KIAA0513: variants seen among roughly 807,000 people sequenced by gnomAD.
KIAA0513 encodes the protein uncharacterized protein KIAA0513.
Under a neutral mutation model 56.5 loss-of-function variants are expected in KIAA0513, and 39 were observed. That is an observed-to-expected ratio of 0.69 (90% CI 0.53 to 0.90). KIAA0513 has a LOEUF of 0.90. Among genes scored for constraint, KIAA0513 ranks in the 40% least tolerant of loss-of-function variants. The pLI, the probability that KIAA0513 is intolerant of heterozygous loss-of-function variation, is 0.00. For synonymous variants in KIAA0513, 268 were observed against 215.6 expected, an observed-to-expected ratio of 1.24 and a Z score of -2.13; for missense variants, 591 against 535.2, an observed-to-expected ratio of 1.10 and a Z score of -1.03.
chr16:85,072,008 G>C lies in KIAA0513; in HGVS notation c.429+126G>C, dbSNP rs537964308. 56 of 651,618 alleles carry C rather than the reference G, an allele frequency of 8.6e-5. No individual in the cohort carries two copies. The South Asian group carries it at 1.0e-3, about 12-fold the overall frequency. 40.4% of individuals were successfully genotyped at this position (651,618 alleles called of 1,614,324 possible). ...AAGAGTCAAGGGAAAGGACCCAACA[G>C]TAAAAAAAGTAAAACTTATCCAAAA... On this transcript the variant is annotated intron_variant, in intron 3 of 12. Coordinates refer to ENST00000683363, the MANE Select transcript of KIAA0513 (RefSeq NM_001388359.1).
intron 9 of KIAA0513, among the ~76,000 whole-genome samples, chr16:85,082,238 A>C (rs9807004): frequency 2.2e-3 from 329 of 152,180 alleles, no homozygotes; most frequent in African/African-American, 7.2e-3. Flanking sequence ...GGCCTGGAGC[A>C]TTGTGCCATG....
In KIAA0513 at chr16:85,039,234, C is replaced by G. The variant is rs1022238204; in HGVS notation, c.-173+11376C>G. Among the ~76,000 whole-genome samples the G allele has an allele frequency of 2.6e-5, 4 of 152,214 alleles. No individual in the cohort carries two copies. The East Asian group carries it at 7.7e-4, about 29-fold the overall frequency. On this transcript the variant is annotated intron_variant, in intron 1 of 12. Coordinates refer to ENST00000683363, the MANE Select transcript of KIAA0513 (RefSeq NM_001388359.1). ...TTTTAACCAGGCCCATTTAATGTCG[C>G]AAGGTTCCTTGTAACCCAAAACACT...
chr16:85,078,102 G>A (rs940234532), intron 6 of KIAA0513, among the ~76,000 whole-genome samples: 4 of 152,108 alleles, frequency 2.6e-5, no homozygotes, highest in Non-Finnish European at 4.4e-5. Flanking sequence ...AGAGGGATGC[G>A]GCAGCCAGAG....
chr16:85,088,454 A>G lies in KIAA0513; in HGVS notation c.*129A>G, dbSNP rs774902505. 3 of 728,392 alleles carry G rather than the reference A, an allele frequency of 4.1e-6. No homozygotes were observed. Among genetic ancestry groups the G allele is most frequent in the Non-Finnish European group, 7.1e-6 (3 of 422,786 alleles). 45.1% of individuals were successfully genotyped at this position (728,392 alleles called of 1,614,324 possible). The stretch of plus-strand genomic sequence containing the variant: ...CACCCAGAGCCACTCCTGCTGCCCT[A>G]GAACTAGCGGTTAGAAGAATCCGCT... On this transcript the variant is annotated 3_prime_UTR_variant, in exon 13 of 13. Coordinates refer to ENST00000683363, the MANE Select transcript of KIAA0513 (RefSeq NM_001388359.1).
At chr16:85,049,704 A>T (rs183782083) in intron 1 of KIAA0513, among the ~76,000 whole-genome samples, 71 of 152,280 alleles carry the variant, frequency 4.7e-4, no homozygotes, top group African/African-American at 1.6e-3. Context: ...AGTCAAGCGG[A>T]TGCCAGCATC....
At chr16:85,064,685 G>A (rs1435413322) in intron 1 of KIAA0513, among the ~76,000 whole-genome samples, 1 of 152,046 alleles carries the variant, frequency 6.6e-6, no homozygotes, top group East Asian at 1.9e-4. Context: ...TTTAATAATT[G>A]TATTTCTTTT....
chr16:85,067,204 A>T lies in KIAA0513; in HGVS notation c.133A>T (p.Ser45Cys). ...CTCCCTGGGGGACGGTGCATCAGAG[A>T]GTGAGACCACTGAGTCTGCGGACAG... ...DGSLGDGASE[S>C]ETTESADSEN... Residue 45 changes from serine (S) to cysteine (C), a missense_variant, in exon 2 of 13, where the codon AGT (serine) becomes TGT (cysteine). By Grantham distance (112) the Ser-to-Cys change is moderately radical. Transcript: ENST00000683363. 1 of 1,614,132 alleles carries T rather than the reference A, an allele frequency of 6.2e-7. No homozygotes were observed. The highest frequency in any genetic ancestry group is 2.2e-5 in the East Asian group (1 of 44,880).
intron 4 of KIAA0513, among the ~76,000 whole-genome samples, chr16:85,073,586 C>A (rs758632630): frequency 6.6e-6 from 1 of 152,240 alleles, no homozygotes; most frequent in East Asian, 1.9e-4. Flanking sequence ...CATAGACCCT[C>A]TTCTCAGGAG....
At chr16:85,070,728 T>C (rs2073561260) in intron 2 of KIAA0513, among the ~76,000 whole-genome samples, 1 of 152,172 alleles carries the variant, frequency 6.6e-6, no homozygotes, top group African/African-American at 2.4e-5. Context: ...TTGAGTGCAT[T>C]TTAGGAGAGC....
chr16:85,029,883 G>A (rs188896028), intron 1 of KIAA0513, among the ~76,000 whole-genome samples: 1 of 152,288 alleles, frequency 6.6e-6, no homozygotes, highest in African/African-American at 2.4e-5. Context: ...GTTTGTTATC[G>A]TTCCCATGTC....
At chr16:85,045,476 C>T (rs1245612230) in intron 1 of KIAA0513, among the ~76,000 whole-genome samples, 2 of 152,206 alleles carry the variant, frequency 1.3e-5, no homozygotes, top group East Asian at 1.9e-4. Flanking sequence ...CTGCCTCAGC[C>T]TCCCGAGTAG....
At position 85,069,478 on chromosome 16, in the gene KIAA0513, C is replaced by T. The variant is rs893731730; in HGVS notation, c.329+2078C>T. On this transcript the variant is annotated intron_variant, in intron 2 of 12. Coordinates refer to ENST00000683363, the MANE Select transcript of KIAA0513 (RefSeq NM_001388359.1). ...TAAGGAGTATTGACAATTGGAGCAG[C>T]AGGAAGGGAGAGTTCGGGGCTGTGA... 4.6e-5 allele frequency among the ~76,000 whole-genome samples: 7 copies of T among 152,132 alleles called. No homozygotes were observed. The East Asian group carries it at 9.7e-4, about 21-fold the overall frequency.
chr16:85,047,368 C>T (rs903250298), intron 1 of KIAA0513, among the ~76,000 whole-genome samples: 1 of 152,204 alleles, frequency 6.6e-6, no homozygotes, highest in Non-Finnish European at 1.5e-5. Context: ...TGCAATCTCT[C>T]GAGCACTTTC....
At chr16:85,087,398 T>C (rs1289270507) in intron 12 of KIAA0513, among the ~76,000 whole-genome samples, 1 of 152,144 alleles carries the variant, frequency 6.6e-6, no homozygotes, top group Non-Finnish European at 1.5e-5. Flanking sequence ...ATTGCGGGCA[T>C]TGGGGCCATA....
At chr16:85,055,004 C>T (rs1567529940) in intron 1 of KIAA0513, among the ~76,000 whole-genome samples, 2 of 151,854 alleles carry the variant, frequency 1.3e-5, no homozygotes, top group Non-Finnish European at 2.9e-5. Context: ...TTTACTGCAA[C>T]CTCTGACTCC....
At chr16:85,082,724 G>A in intron 10 of KIAA0513, 131 bp downstream of exon 10, 1 of 968,354 alleles carries the variant, frequency 1.0e-6, no homozygotes, top group Non-Finnish European at 1.5e-6. Context: ...CAGCCTGGTG[G>A]CCGGCGGGGA....
intron 1 of KIAA0513, among the ~76,000 whole-genome samples, chr16:85,063,913 A>G (rs372500117): frequency 3.3e-5 from 5 of 152,194 alleles, no homozygotes; most frequent in African/African-American, 7.2e-5. Context: ...TTACTTCACT[A>G]GAAAGTGAAC....
In KIAA0513 at chr16:85,041,112, A is replaced by G. The variant is rs553010027; in HGVS notation, c.-173+13254A>G. 2.6e-5 allele frequency among the ~76,000 whole-genome samples: 4 copies of G among 152,254 alleles called. No individual in the cohort carries two copies. The South Asian group carries it at 8.3e-4, about 32-fold the overall frequency. ...TATGGGTAGAAAAGTGGTTGATTATATATGTTTCAGTTTTAGGGTTTTGGG... is the reference window on the plus strand; with the variant it reads ...TATGGGTAGAAAAGTGGTTGATTATGTATGTTTCAGTTTTAGGGTTTTGGG... On this transcript the variant is annotated intron_variant, in intron 1 of 12. Coordinates refer to ENST00000683363, the MANE Select transcript of KIAA0513 (RefSeq NM_001388359.1).
intron 1 of KIAA0513, among the ~76,000 whole-genome samples, chr16:85,034,340 A>T (rs1567518683): frequency 6.6e-6 from 1 of 152,160 alleles, no homozygotes; most frequent in Non-Finnish European, 1.5e-5. Context: ...AGATCACACC[A>T]TTGAACTCCA....
Sources: allele counts gnomAD v4.1 joint callset (sites outside exome capture counted in the v4.1 genomes callset), GRCh38; gene constraint gnomAD v4.1.1; transcripts MANE v1.5; gene names NCBI Gene and HGNC (gene_info 2026-07-23, HGNC 2026-07-21).